RDH13: variants seen among roughly 807,000 people sequenced by gnomAD.
RDH13 encodes the protein retinol dehydrogenase 13 (all-trans and 9-cis).
RDH13 carries 35 observed loss-of-function variants against 28.3 expected under a neutral mutation model. That is an observed-to-expected ratio of 1.24 (90% CI 0.95 to 1.64). The LOEUF is 1.64. Ranked by LOEUF, RDH13 falls within the 40% of genes most tolerant of loss-of-function variation. RDH13 has a pLI of 0.00. For synonymous variants in RDH13, 229 were observed against 198.5 expected, an observed-to-expected ratio of 1.15 and a Z score of -1.29; for missense variants, 514 against 446.3, an observed-to-expected ratio of 1.15 and a Z score of -1.37.
upstream of RDH13, among the ~76,000 whole-genome samples, chr19:55,067,980 TTC>T (rs1484786257): frequency 1.4e-5 from 2 of 146,882 alleles, no homozygotes; most frequent in Admixed American, 6.8e-5. Context: ...TCTCTCTCTC[TTC>T]TCTGTCTCAT....
At chr19:55,066,696 T>C (rs1654460), upstream of RDH13, among the ~76,000 whole-genome samples, 108,486 of 149,396 alleles carry the variant, frequency 0.73, 39,548 homozygotes, top group African/African-American at 0.75. Context: ...TCTCTCTCCT[T>C]CTTTCTTCCT....
At chr19:55,049,027 C>T (rs922637331) in intron 3 of RDH13, among the ~76,000 whole-genome samples, 6 of 152,130 alleles carry the variant, frequency 3.9e-5, no homozygotes, top group Admixed American at 2.0e-4. Flanking sequence ...CGGAGAGGCA[C>T]AGCTCCAAGG....
At chr19:55,064,298 G>C (rs1245850600), upstream of RDH13, 1 of 152,042 alleles carries the variant, frequency 6.6e-6, no homozygotes, top group Middle Eastern at 3.2e-3. Context: ...GCACTCACCT[G>C]TAGTCCCAGC....
At chr19:55,058,732 G>C (rs938700515) in intron 2 of RDH13, among the ~76,000 whole-genome samples, 2 of 152,106 alleles carry the variant, frequency 1.3e-5, no homozygotes, top group African/African-American at 4.8e-5. Context: ...CCAGGCTGGA[G>C]TGCCGTGGCG....
chr19:55,047,287 G>A (rs2075267313), intron 6 of RDH13, 100 bp downstream of exon 6: 4 of 1,509,178 alleles, frequency 2.7e-6, no homozygotes, highest in South Asian at 1.2e-5. Flanking sequence ...GCAGGCATGA[G>A]GCCTCAGGGA....
chr19:55,057,052 T>C (rs1297716797), intron 2 of RDH13, among the ~76,000 whole-genome samples: 5 of 152,162 alleles, frequency 3.3e-5, no homozygotes, highest in Non-Finnish European at 7.3e-5. Context: ...CACTGGCTCA[T>C]GCTACAGCAA....
At chr19:55,067,334 G>A (rs1654466), upstream of RDH13, 93,193 of 152,036 alleles carry the variant, frequency 0.61, 28,912 homozygotes, top group African/African-American at 0.7. Flanking sequence ...CCGTGTCGGA[G>A]AGCTGGGCAA....
intron 1 of RDH13, among the ~76,000 whole-genome samples, chr19:55,062,112 T>C (rs1051321552): frequency 8.4e-6 from 1 of 118,576 alleles, no homozygotes; most frequent in Admixed American, 8.6e-5. Flanking sequence ...AGCGAAACTC[T>C]GTCTCAAAAA....
At chr19:55,064,813 A>G (rs1322971828), upstream of RDH13, among the ~76,000 whole-genome samples, 406 of 150,090 alleles carry the variant, frequency 2.7e-3, 3 homozygotes, top group African/African-American at 9.3e-3. Flanking sequence ...GGGTTTCACC[A>G]TGTTGGCCAG....
At chr19:55,047,342 G>A (rs372426645) in intron 6 of RDH13, 45 bp downstream of exon 6, 12 of 1,593,644 alleles carry the variant, frequency 7.5e-6, no homozygotes, top group East Asian at 2.3e-5. Context: ...AGAAAGCAGG[G>A]GTGGAGGGCT....
chr19:55,047,149 C>G (rs921964232), intron 6 of RDH13: 6 of 1,404,420 alleles, frequency 4.3e-6, no homozygotes, highest in Non-Finnish European at 3.7e-6. Flanking sequence ...CGGCCTCTTC[C>G]TCTGAGACAC....
intron 5 of RDH13, 198 bp downstream of exon 5, chr19:55,048,131 A>T (rs1265668553): frequency 2.8e-5 from 43 of 1,531,946 alleles, no homozygotes; most frequent in Non-Finnish European, 3.5e-5. Flanking sequence ...CCTGGGATGA[A>T]CAGACAATCC....
chr19:55,052,374 G>C (rs1341974304), intron 3 of RDH13, among the ~76,000 whole-genome samples: 1 of 149,802 alleles, frequency 6.7e-6, no homozygotes, highest in Non-Finnish European at 1.5e-5. Context: ...AAGAAACCCC[G>C]TCTCTACTAA....
chr19:55,056,626 C>A, intron 3 of RDH13, 27 bp downstream of exon 3: 1 of 1,612,624 alleles, frequency 6.2e-7, no homozygotes, highest in East Asian at 2.2e-5. Flanking sequence ...TCCCAGTCCT[C>A]ATCCCACATG....
Position 55,045,115 on chromosome 19 carries a change from A to C in RDH13, c.955T>G (p.Leu319Val). ...TGCTCCCTCACAGAGGGAGCCTCTA[A>C]GCCCACCAGGCGGGCACTTTCAGCC... is the stretch of plus-strand genomic sequence containing the variant. ...LWAESARLVG[L>V]EAPSVREQPL... is the part of the protein sequence containing the mutation. The change falls in exon 7 of 7, where the codon TTA (leucine) becomes GTA (valine). Residue 319 changes from leucine (L) to valine (V), a missense_variant. Coordinates refer to ENST00000415061, the MANE Select transcript of RDH13 (RefSeq NM_001145971.2). The C allele has an allele frequency of 1.2e-6, 2 of 1,613,206 alleles. No individual in the cohort carries two copies. Among genetic ancestry groups the C allele is most frequent in the Non-Finnish European group, 1.7e-6 (2 of 1,179,850 alleles).
At chr19:55,046,851 A>G (rs2075251548) in intron 6 of RDH13, 1 of 154,760 alleles carries the variant, frequency 6.5e-6, no homozygotes, top group Non-Finnish European at 1.4e-5. Context: ...AGATCATGCC[A>G]TTGTACTCCA....
chr19:55,041,241 A>C (rs2075021715), downstream of RDH13: 1 of 152,266 alleles, frequency 6.6e-6, no homozygotes, highest in Non-Finnish European at 1.5e-5. Flanking sequence ...AGCCTCCCAA[A>C]GTGCTGGGAT....
chr19:55,052,996 G>C (rs2075505962), intron 3 of RDH13, among the ~76,000 whole-genome samples: 1 of 152,098 alleles, frequency 6.6e-6, no homozygotes, highest in Non-Finnish European at 1.5e-5. Context: ...ATGAGGTCTT[G>C]CTATGTTGCC....
At chr19:55,048,612 G>C in intron 4 of RDH13, 47 bp downstream of exon 4, 3 of 1,610,392 alleles carry the variant, frequency 1.9e-6, no homozygotes, top group Non-Finnish European at 2.5e-6. Context: ...GAGGACGACG[G>C]GGGAGGATCG....
Sources: gnomAD v4.1 joint callset for allele counts (sites outside exome capture counted in the v4.1 genomes callset) on GRCh38, gnomAD v4.1.1 for gene constraint, MANE v1.5 for transcripts, NCBI Gene and HGNC (gene_info 2026-07-23, HGNC 2026-07-21) for gene names.